Variants in E2F6 observed in about 807,000 individuals in gnomAD.
E2F6 encodes transcription factor E2F6.
E2F6 carries 19 observed loss-of-function variants against 31.5 expected under a neutral mutation model. The observed-to-expected ratio is 0.60, with a 90% CI of 0.42 to 0.89. The LOEUF (loss-of-function observed/expected upper bound fraction) is 0.89. Among genes scored for constraint, E2F6 ranks in the 40% least tolerant of loss-of-function variants. The pLI, the probability that E2F6 is intolerant of heterozygous loss-of-function variation, is 0.00. For synonymous variants in E2F6, 121 were observed against 127.7 expected, an observed-to-expected ratio of 0.95 and a Z score of 0.36; for missense variants, 269 against 341.6, an observed-to-expected ratio of 0.79 and a Z score of 1.67.
chr2:11,457,140 A>C, intron 2 of E2F6, 39 bp downstream of exon 2: 1 of 1,436,302 alleles, frequency 7.0e-7, no homozygotes, highest in Non-Finnish European at 9.7e-7. Flanking sequence ...AAGAAGTTCA[A>C]ACTAACAAAA....
In E2F6 at chr2:11,466,098, G is replaced by A. The variant is rs1230689572; in HGVS notation, c.-219C>T. 6 of 503,214 alleles carry A rather than the reference G, an allele frequency of 1.2e-5. No individual in the cohort carries two copies. Among genetic ancestry groups the A allele is most frequent in the African/African-American group, 4.1e-5 (2 of 48,690 alleles). The allele number at this position is 503,214 out of a possible 1,614,324, so 31.2% of individuals were successfully genotyped here. On this transcript the variant is annotated 5_prime_UTR_variant, in exon 1 of 7. Coordinates refer to ENST00000381525, the MANE Select transcript of E2F6 (RefSeq NM_198256.4). ...GGAGCTCCCGACGCAGACGGAAAAAGAGGAGGGAGACCCGCGGATCTCAAG... is the reference window on the plus strand; with the variant it reads ...GGAGCTCCCGACGCAGACGGAAAAAAAGGAGGGAGACCCGCGGATCTCAAG...
intron 1 of E2F6, among the ~76,000 whole-genome samples, chr2:11,465,184 AAAAAAAAAAAAAG>A (rs1672073853): frequency 6.8e-6 from 1 of 147,712 alleles, no homozygotes; most frequent in African/African-American, 2.5e-5. Flanking sequence ...ATCTCAAAAA[AAAAAAAAAAAAAG>A]AAAAAAAAGA....
Position 11,465,805 on chromosome 2 carries a change from C to A in E2F6, c.75G>T (p.Arg25=), listed in dbSNP as rs1464033019. 6.2e-7 allele frequency: 1 copy of A among 1,600,658 alleles called. No individual in the cohort carries two copies. Among genetic ancestry groups the A allele is most frequent in the South Asian group, 1.1e-5 (1 of 88,582 alleles). ...CCTCCACGTTGATGGGGTCTCGGCA[C>A]CGACGGCGAACCGTCTCCTCCGTCG... The part of the protein sequence containing the change: ...LDPTEETVRR[R]CRDPINVEGL... Residue 25 remains arginine, a synonymous_variant, in exon 1 of 7, where the codon CGG becomes CGT. Transcript: ENST00000381525.
At chr2:11,463,642 A>T (rs1020889865) in intron 1 of E2F6, among the ~76,000 whole-genome samples, 2 of 151,220 alleles carry the variant, frequency 1.3e-5, no homozygotes, top group Non-Finnish European at 3.0e-5. Flanking sequence ...GAGACGGTAG[A>T]AGAGAACCCT....
chr2:11,455,227 G>T, intron 2 of E2F6: 1 of 879,576 alleles, frequency 1.1e-6, no homozygotes. Context: ...TTGGTTTGCA[G>T]AAAAAATAAT....
At chr2:11,462,346 A>G (rs1163490492) in intron 1 of E2F6, among the ~76,000 whole-genome samples, 1 of 152,274 alleles carries the variant, frequency 6.6e-6, no homozygotes, top group Non-Finnish European at 1.5e-5. Context: ...TACATGTGAT[A>G]ACATTTAATT....
chr2:11,460,833 A>G (rs1016927145), intron 1 of E2F6, among the ~76,000 whole-genome samples: 2 of 152,186 alleles, frequency 1.3e-5, no homozygotes, highest in Non-Finnish European at 2.9e-5. Context: ...CTAAACATAG[A>G]AAAGGTAATG....
In E2F6 at chr2:11,445,241, T is replaced by C. The variant is rs1035486646; in HGVS notation, c.*1236A>G. The C allele has an allele frequency of 6.6e-6, 1 of 152,366 alleles. No individual in the cohort carries two copies. The highest frequency in any genetic ancestry group is 2.4e-5 in the African/African-American group (1 of 41,462). 9.4% of individuals were successfully genotyped at this position (152,366 alleles called of 1,614,324 possible). A position where few individuals can be genotyped will look rare whatever the true frequency, so the allele number is the denominator to read the frequency against. ...CAAACGATACAGGAATCTTGTACGA[T>C]AGACAAACCAAATATTATTATTCTG... On this transcript the variant is annotated 3_prime_UTR_variant, in exon 7 of 7. Transcript: ENST00000381525.
chr2:11,459,202 G>A (rs1004480653), intron 1 of E2F6, among the ~76,000 whole-genome samples: 1 of 152,024 alleles, frequency 6.6e-6, no homozygotes, highest in Non-Finnish European at 1.5e-5. Context: ...AGAGGTTCCC[G>A]TTCTTAATTC....
chr2:11,465,586 C>T (rs1019838035), intron 1 of E2F6, among the ~76,000 whole-genome samples, 186 bp downstream of exon 1: 1 of 152,210 alleles, frequency 6.6e-6, no homozygotes, highest in Non-Finnish European at 1.5e-5. Context: ...AGACTGATAC[C>T]ACGTCTGTGA....
chr2:11,458,185 C>A lies in E2F6; in HGVS notation c.109-952G>T, dbSNP rs778358648. ...GGTTTAGCTCTTATCTAAGAAAAAA[C>A]TGGCCATAAAGCAAAACTGGGGCAA... is the stretch of plus-strand genomic sequence containing the variant. On this transcript the variant is annotated intron_variant, in intron 1 of 6. Coordinates refer to ENST00000381525, the MANE Select transcript of E2F6 (RefSeq NM_198256.4). 12 of 1,352,328 alleles carry A rather than the reference C, an allele frequency of 8.9e-6. No homozygotes were observed. In the Middle Eastern group the frequency reaches 5.3e-4, roughly 60 times the overall value. 83.8% of individuals were successfully genotyped at this position (1,352,328 alleles called of 1,614,324 possible).
intron 1 of E2F6, among the ~76,000 whole-genome samples, chr2:11,461,068 T>C (rs780313575): frequency 6.6e-6 from 1 of 152,160 alleles, no homozygotes; most frequent in South Asian, 2.1e-4. Flanking sequence ...GAATCAGCAC[T>C]GTCTTGTCCG....
intron 1 of E2F6, among the ~76,000 whole-genome samples, chr2:11,462,497 A>AT (rs1380903620): frequency 6.6e-6 from 1 of 151,976 alleles, no homozygotes; most frequent in African/African-American, 2.4e-5. Flanking sequence ...TCAGAATAAG[A>AT]TTTTTTTTCT....
At chr2:11,460,143 GA>G (rs200968261) in intron 1 of E2F6, among the ~76,000 whole-genome samples, 1 of 150,620 alleles carries the variant, frequency 6.6e-6, no homozygotes, top group African/African-American at 2.4e-5. Context: ...TTCAAAGGTG[GA>G]AAAAAAAATA....
Position 11,447,610 on chromosome 2 carries a change from A to G in E2F6, c.799+17T>C. On this transcript the variant is annotated intron_variant, in intron 6 of 6. Coordinates refer to ENST00000381525, the MANE Select transcript of E2F6 (RefSeq NM_198256.4). ...CATGCTTAATTAAAATACTGTCAGAATCACTGGTATATTTACCTTCCTCAG... is the reference window on the plus strand; with the variant it reads ...CATGCTTAATTAAAATACTGTCAGAGTCACTGGTATATTTACCTTCCTCAG... The G allele has an allele frequency of 1.9e-6, 3 of 1,609,240 alleles. No homozygotes were observed. Among genetic ancestry groups the G allele is most frequent in the Non-Finnish European group, 2.5e-6 (3 of 1,178,876 alleles).
rs59561027 is a variant in E2F6, at chr2:11,465,178, CAAAAA to C, written c.108+589_108+593del. ...GGGGAACAAAAGTAAAACTCAATCT[CAAAAA>C]AAAAAAAAAAAAAGAAAAAAAAGAA... On this transcript the variant is annotated intron_variant, in intron 1 of 6. Transcript: ENST00000381525. Among the ~76,000 whole-genome samples, 148 of 88,588 alleles carry C rather than the reference CAAAAA, an allele frequency of 1.7e-3. 2 individuals are homozygous for C. In the Middle Eastern group the frequency reaches 0.02, roughly 12 times the overall value. 58.1% of individuals were successfully genotyped at this position (88,588 alleles called of 152,430 possible).
chr2:11,457,941 T>G (rs1671514128), intron 1 of E2F6, among the ~76,000 whole-genome samples: 1 of 152,226 alleles, frequency 6.6e-6, no homozygotes, highest in African/African-American at 2.4e-5. Context: ...TTTAAATTCC[T>G]GAAACAACCA....
intron 2 of E2F6, 111 bp downstream of exon 2, chr2:11,457,068 C>T (rs1465642909): frequency 4.8e-6 from 4 of 837,742 alleles, no homozygotes; most frequent in African/African-American, 3.5e-5. Context: ...TCAGTGTACA[C>T]ATAACAAATT....
chr2:11,453,843 T>C, intron 2 of E2F6, 45 bp from the exon 3 acceptor site: 1 of 1,507,340 alleles, frequency 6.6e-7, no homozygotes, highest in Non-Finnish European at 9.1e-7. Flanking sequence ...AAATAACATT[T>C]CTCAACTCAT....
Sources: gnomAD v4.1 joint callset for allele counts (sites outside exome capture counted in the v4.1 genomes callset) on GRCh38, gnomAD v4.1.1 for gene constraint, MANE v1.5 for transcripts, NCBI Gene and HGNC (gene_info 2026-07-23, HGNC 2026-07-21) for gene names.